Variants in PRKAA2 observed in about 807,000 individuals in gnomAD.
PRKAA2 encodes the protein protein kinase AMP-activated catalytic subunit alpha 2.
Under a neutral mutation model 56.3 loss-of-function variants are expected in PRKAA2, and 40 were observed. The ratio of observed to expected loss-of-function variants is 0.71; its 90% CI spans 0.55 to 0.92. The LOEUF is 0.92. Among genes scored for constraint, PRKAA2 ranks in the 40% least tolerant of loss-of-function variants. The pLI is 0.00. For synonymous variants in PRKAA2, 214 were observed against 234.2 expected, an observed-to-expected ratio of 0.91 and a Z score of 0.79; for missense variants, 542 against 686.9, an observed-to-expected ratio of 0.79 and a Z score of 2.36.
chr1:56,649,275 A>T (rs1646668420), intron 1 of PRKAA2, among the ~76,000 whole-genome samples: 1 of 152,222 alleles, frequency 6.6e-6, no homozygotes, highest in Non-Finnish European at 1.5e-5. Flanking sequence ...TTCCATGTGG[A>T]TAACCAATTG....
chr1:56,676,091 TA>T (rs529439294), intron 2 of PRKAA2, among the ~76,000 whole-genome samples: 14 of 152,214 alleles, frequency 9.2e-5, no homozygotes, highest in Non-Finnish European at 2.1e-4. Context: ...CCTGTGGAGT[TA>T]TATTGTTTAC....
intron 2 of PRKAA2, among the ~76,000 whole-genome samples, chr1:56,675,358 C>G (rs759989457): frequency 2.3e-4 from 35 of 150,486 alleles, no homozygotes; most frequent in Non-Finnish European, 1.5e-5. Flanking sequence ...TTTTTTTTGT[C>G]AAGTTTCTGC....
chr1:56,650,123 A>G (rs1440472243), intron 1 of PRKAA2, among the ~76,000 whole-genome samples: 5 of 152,090 alleles, frequency 3.3e-5, no homozygotes, highest in Non-Finnish European at 4.4e-5. Flanking sequence ...AGAAATTTTA[A>G]CTTCAGTTGT....
Position 56,645,369 on chromosome 1 carries a change from G to T in PRKAA2, c.-19G>T. The T allele has an allele frequency of 6.9e-7, 1 of 1,457,532 alleles. No individual in the cohort carries two copies. Among genetic ancestry groups the T allele is most frequent in the Non-Finnish European group, 9.1e-7 (1 of 1,094,788 alleles). 90.3% of individuals were successfully genotyped at this position (1,457,532 alleles called of 1,614,324 possible). On this transcript the variant is annotated 5_prime_UTR_variant, in exon 1 of 9. Transcript: ENST00000371244. The stretch of plus-strand genomic sequence containing the variant: ...TACGCGGAGCGGCAGGCGGTGGAGC[G>T]AGGCCGCGCGCGCCGAAGATGGCTG...
At chr1:56,701,161 A>G (rs1644291054) in intron 6 of PRKAA2, among the ~76,000 whole-genome samples, 1 of 152,110 alleles carries the variant, frequency 6.6e-6, no homozygotes, top group African/African-American at 2.4e-5. Flanking sequence ...GTTTATTTTG[A>G]AAGTGCTTAA....
At chr1:56,662,159 A>G (rs763014201) in intron 1 of PRKAA2, among the ~76,000 whole-genome samples, 17 of 152,228 alleles carry the variant, frequency 1.1e-4, no homozygotes, top group Non-Finnish European at 2.1e-4. Context: ...ACATATAGTC[A>G]TTTGTCGTTC....
At chr1:56,687,761 A>G (rs1273175393) in intron 2 of PRKAA2, among the ~76,000 whole-genome samples, 1 of 152,124 alleles carries the variant, frequency 6.6e-6, no homozygotes, top group Non-Finnish European at 1.5e-5. Context: ...TAAAATCTCA[A>G]TAGATTTTAC....
intron 2 of PRKAA2, among the ~76,000 whole-genome samples, chr1:56,677,917 A>G (rs1644125264): frequency 6.6e-6 from 1 of 152,146 alleles, no homozygotes; most frequent in Admixed American, 6.5e-5. Context: ...GCAGCCTCCC[A>G]AAGTGCTGAG....
intron 6 of PRKAA2, among the ~76,000 whole-genome samples, chr1:56,701,960 T>C (rs1644297143): frequency 6.6e-6 from 1 of 152,152 alleles, no homozygotes; most frequent in Non-Finnish European, 1.5e-5. Context: ...TAAAAGAATG[T>C]ATTGTGATAG....
intron 2 of PRKAA2, among the ~76,000 whole-genome samples, chr1:56,680,398 G>A (rs1204858306): frequency 2.0e-5 from 3 of 151,874 alleles, no homozygotes; most frequent in Admixed American, 6.6e-5. Flanking sequence ...TAGGGCACAT[G>A]TGCACAATGT....
At chr1:56,684,627 G>C (rs1644178740) in intron 2 of PRKAA2, among the ~76,000 whole-genome samples, 1 of 152,130 alleles carries the variant, frequency 6.6e-6, no homozygotes, top group Non-Finnish European at 1.5e-5. Context: ...ATCACCAACT[G>C]TCCCTTTTAC....
In PRKAA2 at chr1:56,704,475, G is replaced by A. The variant is rs1205766290; in HGVS notation, c.1293G>A (p.Lys431=). 6.3e-7 allele frequency: 1 copy of A among 1,585,118 alleles called. No homozygotes were observed. The highest frequency in any genetic ancestry group is 1.8e-5 in the Admixed American group (1 of 56,018). ...RAMKQLDFEW[K]VVNAYHLRVR... ...TGAAGCAGCTGGATTTTGAATGGAA[G>A]GTAGGAAATTATAATGTAATAAGAT... Residue 431 remains lysine, a splice_region_variant and synonymous_variant, in exon 7 of 9, where the codon AAG becomes AAA. Transcript: ENST00000371244.
chr1:56,646,786 T>C (rs1360303990), intron 1 of PRKAA2, among the ~76,000 whole-genome samples: 27 of 152,166 alleles, frequency 1.8e-4, no homozygotes, highest in Non-Finnish European at 2.9e-5. Flanking sequence ...TTCATTCCTT[T>C]GGTAAGAATC....
At chr1:56,701,936 A>G (rs1322715472) in intron 6 of PRKAA2, among the ~76,000 whole-genome samples, 4 of 152,156 alleles carry the variant, frequency 2.6e-5, no homozygotes, top group African/African-American at 9.7e-5. Context: ...AAGATTAAGA[A>G]AAAAATCAAC....
intron 6 of PRKAA2, among the ~76,000 whole-genome samples, chr1:56,701,050 T>C (rs1569790757): frequency 6.6e-6 from 1 of 152,202 alleles, no homozygotes; most frequent in African/African-American, 2.4e-5. Context: ...CTGAAAAAAT[T>C]GATTTTCACA....
At chr1:56,681,227 G>GT (rs1417211418) in intron 2 of PRKAA2, among the ~76,000 whole-genome samples, 4 of 152,074 alleles carry the variant, frequency 2.6e-5, no homozygotes, top group Admixed American at 6.6e-5. Context: ...TTGTACATTT[G>GT]TTAAGTTCTT....
At chr1:56,669,290 C>A (rs1016691803) in intron 1 of PRKAA2, among the ~76,000 whole-genome samples, 2 of 152,012 alleles carry the variant, frequency 1.3e-5, no homozygotes, top group African/African-American at 4.8e-5. Flanking sequence ...GAAATCCTGT[C>A]TCTATTAAAA....
intron 6 of PRKAA2, among the ~76,000 whole-genome samples, chr1:56,702,988 G>C (rs1038751261): frequency 1.3e-5 from 2 of 152,304 alleles, no homozygotes; most frequent in Admixed American, 6.5e-5. Flanking sequence ...GTGAATAGAA[G>C]ACATTCAGTC....
At chr1:56,684,691 G>A (rs892404899) in intron 2 of PRKAA2, among the ~76,000 whole-genome samples, 5 of 152,148 alleles carry the variant, frequency 3.3e-5, no homozygotes, top group Non-Finnish European at 7.3e-5. Flanking sequence ...ATTTGGCAAC[G>A]TGGAGGTTGC....
Sources: allele counts gnomAD v4.1 joint callset (sites outside exome capture counted in the v4.1 genomes callset), GRCh38; gene constraint gnomAD v4.1.1; transcripts MANE v1.5; gene names NCBI Gene and HGNC (gene_info 2026-07-23, HGNC 2026-07-21).